NEGR1: variants seen among roughly 807,000 people sequenced by gnomAD.
NEGR1 encodes neuronal growth regulator 1.
In NEGR1, 10 loss-of-function variants were observed where a neutral mutation model predicts 40.9. The ratio of observed to expected loss-of-function variants is 0.24; its 90% confidence interval spans 0.15 to 0.42. The LOEUF (loss-of-function observed/expected upper bound fraction) is 0.42, where lower values mean the gene tolerates loss of function less well. NEGR1 is among the 10% of genes least tolerant of loss of function. NEGR1 has a pLI of 1.00. For synonymous variants in NEGR1, 185 were observed against 166.8 expected, an observed-to-expected ratio of 1.11 and a Z score of -0.84; for missense variants, 352 against 438.9, an observed-to-expected ratio of 0.80 and a Z score of 1.77.
chr1:72,269,900 C>A (rs1302862695), intron 1 of NEGR1, among the ~76,000 whole-genome samples: 1 of 151,612 alleles, frequency 6.6e-6, no homozygotes, highest in African/African-American at 2.4e-5. Flanking sequence ...AACAATTTCA[C>A]GTTTCTTCAA....
At chr1:72,097,636 C>A (rs1373116568) in intron 1 of NEGR1, among the ~76,000 whole-genome samples, 1 of 152,222 alleles carries the variant, frequency 6.6e-6, no homozygotes, top group African/African-American at 2.4e-5. Flanking sequence ...CCCATGCCTT[C>A]CCATTTCATG....
At chr1:71,978,825 C>T (rs1268735976) in intron 1 of NEGR1, among the ~76,000 whole-genome samples, 2 of 151,966 alleles carry the variant, frequency 1.3e-5, no homozygotes, top group Non-Finnish European at 2.9e-5. Context: ...AACAGAACTG[C>T]CATTCAACCC....
chr1:72,148,547 T>G (rs1336775128), intron 1 of NEGR1, among the ~76,000 whole-genome samples: 1 of 152,188 alleles, frequency 6.6e-6, no homozygotes, highest in Non-Finnish European at 1.5e-5. Context: ...TCTTTTCTAC[T>G]GCATCATCAG....
chr1:71,537,929 T>C (rs567104374), intron 6 of NEGR1, among the ~76,000 whole-genome samples: 11 of 151,742 alleles, frequency 7.2e-5, no homozygotes, highest in Non-Finnish European at 1.6e-4. Context: ...TGGGTCTTAT[T>C]ATGTGGAGAA....
At position 71,776,200 on chromosome 1, in the gene NEGR1, G is replaced by A; in HGVS notation, c.507C>T (p.Ser169=). Residue 169 remains serine, a synonymous_variant, in exon 3 of 7, where the codon TCC becomes TCT. Transcript: ENST00000357731. The part of the protein sequence containing the change: ...TCLATGKPEP[S]ISWRHISPSA... ...ATGGGGAGATGTGTCGCCAAGAAAT[G>A]GAAGGCTCTGGTTTCCCAGTGGCCA... The A allele has an allele frequency of 1.2e-6, 2 of 1,608,938 alleles. No individual in the cohort carries two copies. The highest frequency in any genetic ancestry group is 1.7e-6 in the Non-Finnish European group (2 of 1,177,078).
chr1:71,662,666 C>T (rs976849586), intron 4 of NEGR1, among the ~76,000 whole-genome samples: 1 of 151,032 alleles, frequency 6.6e-6, no homozygotes, highest in Non-Finnish European at 1.5e-5. Context: ...ATATTTATAA[C>T]GTCAAAATAT....
At position 71,682,248 on chromosome 1, in the gene NEGR1, T is replaced by G. The variant is rs541007046; in HGVS notation, c.667+15760A>C. 2.0e-5 allele frequency among the ~76,000 whole-genome samples: 3 copies of G among 152,296 alleles called. No homozygotes were observed. The South Asian group carries it at 6.2e-4, about 32-fold the overall frequency. The stretch of plus-strand genomic sequence containing the variant: ...CTTTTTAATTTTAATTATTCTAATC[T>G]TCACACTTGGAAGTTCTATGGAGTG... On this transcript the variant is annotated intron_variant, in intron 4 of 6. Transcript: ENST00000357731.
chr1:71,984,584 A>G (rs577548250), intron 1 of NEGR1, among the ~76,000 whole-genome samples: 3 of 152,334 alleles, frequency 2.0e-5, no homozygotes, highest in African/African-American at 7.2e-5. Flanking sequence ...GGCCTTTGGC[A>G]AATAATTTAA....
chr1:71,721,689 T>C (rs1654516354), intron 3 of NEGR1, among the ~76,000 whole-genome samples: 1 of 152,098 alleles, frequency 6.6e-6, no homozygotes, highest in African/African-American at 2.4e-5. Flanking sequence ...CAGTCAACAC[T>C]CAACAATTTT....
intron 2 of NEGR1, among the ~76,000 whole-genome samples, chr1:71,808,621 C>T (rs962170743): frequency 2.0e-5 from 3 of 152,226 alleles, no homozygotes; most frequent in African/African-American, 7.2e-5. Flanking sequence ...AAAGAATGTA[C>T]TTCACCTGCT....
intron 6 of NEGR1, among the ~76,000 whole-genome samples, chr1:71,510,847 GGTGAAT>G (rs1370260235): frequency 6.6e-6 from 1 of 152,150 alleles, no homozygotes; most frequent in Non-Finnish European, 1.5e-5. Flanking sequence ...GGTTTGGGTG[GGTGAAT>G]GTGTGTTTCT....
At chr1:72,207,448 G>A (rs961403139) in intron 1 of NEGR1, among the ~76,000 whole-genome samples, 1 of 151,694 alleles carries the variant, frequency 6.6e-6, no homozygotes, top group African/African-American at 2.4e-5. Flanking sequence ...AAAGAATGGA[G>A]AAAAATTTGG....
At chr1:71,571,735 G>A (rs1186902992) in intron 6 of NEGR1, among the ~76,000 whole-genome samples, 1 of 145,270 alleles carries the variant, frequency 6.9e-6, no homozygotes, top group African/African-American at 2.6e-5. Context: ...CAAGGCTGCA[G>A]TGAACTGTCA....
At chr1:71,735,429 C>T (rs1474052588) in intron 3 of NEGR1, among the ~76,000 whole-genome samples, 1 of 151,900 alleles carries the variant, frequency 6.6e-6, no homozygotes, top group East Asian at 1.9e-4. Flanking sequence ...CAGGGTGAAC[C>T]TGAAATCTGA....
intron 1 of NEGR1, among the ~76,000 whole-genome samples, chr1:71,970,723 G>T (rs994864468): frequency 3.9e-5 from 6 of 152,012 alleles, no homozygotes; most frequent in African/African-American, 9.7e-5. Context: ...AAATAATACT[G>T]CTCTATGTCA....
At chr1:71,610,935 C>A in intron 5 of NEGR1, 91 bp downstream of exon 5, 1 of 1,328,456 alleles carries the variant, frequency 7.5e-7, no homozygotes, top group South Asian at 1.3e-5. Context: ...TCATTCAAGC[C>A]AGTTAAAGAA....
chr1:71,600,687 A>G (rs1248215005), intron 5 of NEGR1, among the ~76,000 whole-genome samples: 4 of 152,222 alleles, frequency 2.6e-5, no homozygotes, highest in South Asian at 4.1e-4. Flanking sequence ...GGCAAGATTC[A>G]TAGCCAGAGT....
chr1:71,438,548 T>TTTTGTTTG (rs199543183), intron 6 of NEGR1, among the ~76,000 whole-genome samples: 1 of 152,132 alleles, frequency 6.6e-6, no homozygotes, highest in African/African-American at 2.4e-5. Flanking sequence ...TTTTAGGATT[T>TTTTGTTTG]TTTGTTTGTT....
At chr1:71,948,645 C>A (rs1011159928) in intron 1 of NEGR1, among the ~76,000 whole-genome samples, 1 of 152,022 alleles carries the variant, frequency 6.6e-6, no homozygotes, top group Non-Finnish European at 1.5e-5. Context: ...TTCATCTGAG[C>A]TCTTTCTTAC....
Sources: gnomAD v4.1 joint callset for allele counts (sites outside exome capture counted in the v4.1 genomes callset) on GRCh38, gnomAD v4.1.1 for gene constraint, MANE v1.5 for transcripts, NCBI Gene and HGNC (gene_info 2026-07-23, HGNC 2026-07-21) for gene names.